GABRA2: variants seen among roughly 807,000 people sequenced by gnomAD.
GABRA2 encodes gamma-aminobutyric acid type A receptor subunit alpha2.
Under a neutral mutation model 48.7 loss-of-function variants are expected in GABRA2, and 16 were observed. The observed-to-expected ratio is 0.33, with a 90% CI of 0.22 to 0.50. The LOEUF (loss-of-function observed/expected upper bound fraction) is 0.50, where lower values mean the gene tolerates loss of function less well. Ranked by LOEUF, GABRA2 falls within the 20% of genes least tolerant of loss-of-function variation. The pLI is 0.98. For synonymous variants in GABRA2, 185 were observed against 184.5 expected (o/e 1.00, Z -0.02); for missense variants, 275 against 535.6 (o/e 0.51, Z 4.80).
Position 46,287,396 on chromosome 4 carries a change from T to C in GABRA2, c.856+16064A>G, listed in dbSNP as rs139813092. Among the ~76,000 whole-genome samples the C allele has an allele frequency of 3.2e-3, 492 of 151,988 alleles. 1 individual carries two copies. The highest frequency in any genetic ancestry group is 0.011 in the African/African-American group (443 of 41,442). On this transcript the variant is annotated intron_variant, in intron 8 of 9. Coordinates refer to ENST00000381620, the MANE Select transcript of GABRA2 (RefSeq NM_000807.4). ...CATGGATAAGAATGTCCAACAATGATTGACTGGATTAAGAAAATGTGGCAC... is the reference window on the plus strand; with the variant it reads ...CATGGATAAGAATGTCCAACAATGACTGACTGGATTAAGAAAATGTGGCAC...
chr4:46,345,189 T>C (rs1360777949), intron 3 of GABRA2, among the ~76,000 whole-genome samples: 1 of 151,930 alleles, frequency 6.6e-6, no homozygotes, highest in African/African-American at 2.4e-5. Context: ...CCTTCCACTA[T>C]GATTTTAAGT....
chr4:46,377,891 C>T (rs1218995977), intron 3 of GABRA2, among the ~76,000 whole-genome samples: 2 of 145,778 alleles, frequency 1.4e-5, no homozygotes, highest in African/African-American at 2.5e-5. Flanking sequence ...CTAGCCGCCC[C>T]GTCCAGGAGG....
intron 8 of GABRA2, among the ~76,000 whole-genome samples, chr4:46,271,312 A>G (rs545026765): frequency 7.2e-5 from 11 of 152,006 alleles, no homozygotes; most frequent in Non-Finnish European, 1.5e-4. Context: ...AATATAACAA[A>G]GGTATGCACA....
chr4:46,309,821 C>A (rs1727324652), intron 6 of GABRA2, among the ~76,000 whole-genome samples: 1 of 152,064 alleles, frequency 6.6e-6, no homozygotes, highest in African/African-American at 2.4e-5. Flanking sequence ...TCTATCCTTT[C>A]CAATTCATTC....
At chr4:46,264,682 T>C (rs1296633757) in intron 8 of GABRA2, among the ~76,000 whole-genome samples, 2 of 152,010 alleles carry the variant, frequency 1.3e-5, no homozygotes, top group Non-Finnish European at 2.9e-5. Context: ...TATTGGTATC[T>C]TGGTAATACG....
chr4:46,331,135 G>C (rs1411859509), intron 4 of GABRA2, among the ~76,000 whole-genome samples: 1 of 152,168 alleles, frequency 6.6e-6, no homozygotes, highest in Non-Finnish European at 1.5e-5. Context: ...CTGAAGAATA[G>C]GATTTTTTCC....
At chr4:46,325,806 T>A (rs1479883246) in intron 4 of GABRA2, among the ~76,000 whole-genome samples, 1 of 152,070 alleles carries the variant, frequency 6.6e-6, no homozygotes, top group African/African-American at 2.4e-5. Flanking sequence ...TAGCCAGTTA[T>A]CCTAGCACCA....
At chr4:46,375,641 A>C (rs551324070) in intron 3 of GABRA2, among the ~76,000 whole-genome samples, 1 of 152,192 alleles carries the variant, frequency 6.6e-6, no homozygotes, top group African/African-American at 2.4e-5. Flanking sequence ...CTCACAGTAA[A>C]TATACCAGAA....
intron 3 of GABRA2, among the ~76,000 whole-genome samples, chr4:46,343,374 G>A (rs182637135): frequency 1.3e-5 from 2 of 152,102 alleles, no homozygotes; most frequent in African/African-American, 4.8e-5. Flanking sequence ...ATTTGGGGTA[G>A]AGGAAGGGTA....
chr4:46,282,391 G>A (rs1239612903), intron 8 of GABRA2, among the ~76,000 whole-genome samples: 1 of 152,156 alleles, frequency 6.6e-6, no homozygotes, highest in Non-Finnish European at 1.5e-5. Context: ...CTGAGATGGT[G>A]TTTCTTGTGC....
chr4:46,282,303 G>A (rs369997037), intron 8 of GABRA2, among the ~76,000 whole-genome samples: 3 of 152,132 alleles, frequency 2.0e-5, no homozygotes, highest in Admixed American at 6.6e-5. Flanking sequence ...TAGCCAGGAC[G>A]ACTGTATCAG....
intron 9 of GABRA2, chr4:46,256,190 C>G (rs1280583387): frequency 1.6e-6 from 1 of 641,774 alleles, no homozygotes; most frequent in African/African-American, 1.8e-5. Context: ...AAAAGTGATA[C>G]TTACAGAAGA....
intron 3 of GABRA2, among the ~76,000 whole-genome samples, chr4:46,369,760 T>C (rs1325297785): frequency 1.3e-5 from 2 of 152,088 alleles, no homozygotes; most frequent in African/African-American, 4.8e-5. Flanking sequence ...TAGATTCCAA[T>C]AGATGTATGA....
In GABRA2 at chr4:46,243,985, G is replaced by A. The variant is rs1713240744; in HGVS notation, c.*6323C>T. 1 of 151,444 alleles carries A rather than the reference G, an allele frequency of 6.6e-6. No individual in the cohort carries two copies. Among genetic ancestry groups the A allele is most frequent in the Non-Finnish European group, 1.5e-5 (1 of 67,616 alleles). 9.4% of individuals were successfully genotyped at this position (151,444 alleles called of 1,614,324 possible). ...ATTTCATGAAAGGTGATGTTCCTTA[G>A]TTTGAAGCACATCAAAACCTGAATT... On this transcript the variant is annotated 3_prime_UTR_variant, in exon 10 of 10. Coordinates refer to ENST00000381620, the MANE Select transcript of GABRA2 (RefSeq NM_000807.4).
In GABRA2 at chr4:46,303,441, A is replaced by G. The variant is rs111248315; in HGVS notation, c.856+19T>C. ...TATGAAACATAATGTGCTGTACTGC[A>G]AAGTGTGTATTCACTCACCAAACAC... On this transcript the variant is annotated intron_variant, in intron 8 of 9. Transcript: ENST00000381620. The G allele has an allele frequency of 2.9e-4, 465 of 1,607,544 alleles. No homozygotes were observed. The African/African-American group carries it at 3.9e-3, about 13-fold the overall frequency.
chr4:46,380,617 A>C (rs925392779), intron 3 of GABRA2, among the ~76,000 whole-genome samples: 1 of 152,046 alleles, frequency 6.6e-6, no homozygotes, highest in African/African-American at 2.4e-5. Flanking sequence ...CAAATAAAGA[A>C]ACTGAAGCAA....
chr4:46,290,074 G>A (rs1203437094), intron 8 of GABRA2, among the ~76,000 whole-genome samples: 1 of 134,876 alleles, frequency 7.4e-6, no homozygotes, highest in Non-Finnish European at 1.6e-5. Context: ...ACCGTGCCCG[G>A]CTCATTTTTT....
At chr4:46,358,216 A>C (rs1266206453) in intron 3 of GABRA2, among the ~76,000 whole-genome samples, 1 of 152,166 alleles carries the variant, frequency 6.6e-6, no homozygotes, top group East Asian at 1.9e-4. Context: ...CTCTGTGATT[A>C]TCTCTGAGCT....
intron 3 of GABRA2, among the ~76,000 whole-genome samples, chr4:46,377,775 T>G (rs1366563923): frequency 8.1e-6 from 1 of 123,228 alleles, no homozygotes; most frequent in African/African-American, 3.1e-5. Context: ...GTCCGGGAAG[T>G]GAGGGGCGCC....
Sources: allele counts gnomAD v4.1 joint callset (sites outside exome capture counted in the v4.1 genomes callset), GRCh38; gene constraint gnomAD v4.1.1; transcripts MANE v1.5; gene names NCBI Gene and HGNC (gene_info 2026-07-23, HGNC 2026-07-21).